Variants in SDK2 observed in about 807,000 individuals in gnomAD.
SDK2 encodes sidekick cell adhesion molecule 2, also known as protein sidekick-2.
SDK2 carries 105 observed loss-of-function variants against 253.9 expected under a neutral mutation model. The observed-to-expected ratio is 0.41, with a 90% confidence interval of 0.35 to 0.49. SDK2 has a LOEUF of 0.49. Among genes scored for constraint, SDK2 ranks in the 20% least tolerant of loss-of-function variants. The pLI is 0.06. For synonymous variants in SDK2, 1,249 were observed against 1,234.9 expected (o/e 1.01, Z -0.24); for missense variants, 2,608 against 3,003.0 (o/e 0.87, Z 3.07).
chr17:73,395,483 C>A lies in SDK2; in HGVS notation c.3355-91G>T, dbSNP rs2062964011. The A allele has an allele frequency of 1.0e-6, 1 of 1,000,330 alleles. No homozygotes were observed. Among genetic ancestry groups the A allele is most frequent in the African/African-American group, 1.6e-5 (1 of 62,820 alleles). 62.0% of individuals were successfully genotyped at this position (1,000,330 alleles called of 1,614,324 possible). A position where few individuals can be genotyped will look rare whatever the true frequency, so the allele number is the denominator to read the frequency against. On this transcript the variant is annotated intron_variant, in intron 24 of 44. Transcript: ENST00000392650. The surrounding 1 kb of genome is among the most constrained non-coding windows in gnomAD (Gnocchi z 4.3). Reference sequence around the variant, plus strand: ...CCCTGCTACCCTCTCCTCCAGGGCGCCTTCAGGGCTATCCATCCCACTGTC... The same window carrying A: ...CCCTGCTACCCTCTCCTCCAGGGCGACTTCAGGGCTATCCATCCCACTGTC...
At chr17:73,452,800 T>C (rs185092726) in intron 4 of SDK2, among the ~76,000 whole-genome samples, 2 of 152,292 alleles carry the variant, frequency 1.3e-5, no homozygotes, top group African/African-American at 2.4e-5. Flanking sequence ...TGGCTTGCAA[T>C]AGGCCATGGG....
intron 39 of SDK2, among the ~76,000 whole-genome samples, chr17:73,358,774 A>G (rs568912857): frequency 3.6e-4 from 55 of 152,064 alleles, no homozygotes; most frequent in South Asian, 6.2e-4. Context: ...TGCATTTCCT[A>G]TTAGGTTAGA....
At chr17:73,588,973 C>G (rs1259643397) in intron 1 of SDK2, among the ~76,000 whole-genome samples, 2 of 152,268 alleles carry the variant, frequency 1.3e-5, no homozygotes, top group African/African-American at 4.8e-5. Flanking sequence ...TGGTGAGCAC[C>G]AGGGCAGGGT....
chr17:73,634,181 C>T (rs147776576), intron 1 of SDK2, among the ~76,000 whole-genome samples: 162 of 152,282 alleles, frequency 1.1e-3, no homozygotes, highest in Middle Eastern at 6.8e-3. Flanking sequence ...CTGTGTCCTC[C>T]TCCTGTGCCC....
At position 73,616,792 on chromosome 17, in the gene SDK2, G is replaced by A. The variant is rs993960167; in HGVS notation, c.64+27233C>T. Reference sequence around the variant, plus strand: ...CAGAGCTGCAGGCACTGCACTGTGCGCATTCCCACCATGAGATGCCTGGGG... The same window carrying A: ...CAGAGCTGCAGGCACTGCACTGTGCACATTCCCACCATGAGATGCCTGGGG... On this transcript the variant is annotated intron_variant, in intron 1 of 44. Transcript: ENST00000392650. The surrounding 1 kb of genome is among the most constrained non-coding windows in gnomAD (Gnocchi z 5.2). 3.3e-5 allele frequency among the ~76,000 whole-genome samples: 5 copies of A among 152,138 alleles called. No homozygotes were observed. Among genetic ancestry groups the A allele is most frequent in the East Asian group, 1.9e-4 (1 of 5,178 alleles).
At chr17:73,381,707 C>T (rs367701276) in intron 33 of SDK2, among the ~76,000 whole-genome samples, 1 of 151,422 alleles carries the variant, frequency 6.6e-6, no homozygotes, top group Non-Finnish European at 1.5e-5. Flanking sequence ...GAGTTCGAGA[C>T]GAGCCTGGCC....
chr17:73,391,667 G>T, intron 27 of SDK2, 129 bp from the exon 28 acceptor site: 1 of 421,498 alleles, frequency 2.4e-6, no homozygotes. Flanking sequence ...AATTTCTGTG[G>T]AGTACTGCCC....
At chr17:73,499,859 CTGTGTGTGTGTGTGTGTGTGTGTGTG>C (rs59872387) in intron 2 of SDK2, among the ~76,000 whole-genome samples, 86 of 145,718 alleles carry the variant, frequency 5.9e-4, no homozygotes, top group African/African-American at 1.8e-3. Flanking sequence ...GCATGGGAAT[CTGTGTGTGTGTGTGTGTGTGTGTGTG>C]TGTGTGTGTG....
chr17:73,350,835 T>G, intron 41 of SDK2, 45 bp from the exon 42 acceptor site: 1 of 1,552,900 alleles, frequency 6.4e-7, no homozygotes, highest in Non-Finnish European at 8.7e-7. Context: ...AGCCCCCTCC[T>G]CCCTCCAAAT....
rs116282489 is a variant in SDK2, at chr17:73,390,808, G to C, written c.3998-327C>G. 6.9e-3 allele frequency among the ~76,000 whole-genome samples: 1,045 copies of C among 152,344 alleles called. 9 individuals are homozygous for C. The highest frequency in any genetic ancestry group is 0.024 in the African/African-American group (1,002 of 41,586). On this transcript the variant is annotated intron_variant, in intron 28 of 44. Coordinates refer to ENST00000392650, the MANE Select transcript of SDK2 (RefSeq NM_001144952.2). Reference sequence around the variant, plus strand: ...TGACAGAGCTGGAATCCCAGCCCAGGTCTTTCTGGGCTAATGCACTTGTCC... The same window carrying C: ...TGACAGAGCTGGAATCCCAGCCCAGCTCTTTCTGGGCTAATGCACTTGTCC...
chr17:73,628,924 C>T (rs1397665330), intron 1 of SDK2, among the ~76,000 whole-genome samples: 1 of 152,158 alleles, frequency 6.6e-6, no homozygotes, highest in South Asian at 2.1e-4. Flanking sequence ...ATGCCCAGAC[C>T]CCCCTGGACG....
At chr17:73,363,222 C>T (rs990925474) in intron 38 of SDK2, among the ~76,000 whole-genome samples, 16 of 152,236 alleles carry the variant, frequency 1.1e-4, no homozygotes, top group Non-Finnish European at 1.6e-4. Context: ...TAGGCGTCCA[C>T]TACCACACCC....
intron 1 of SDK2, among the ~76,000 whole-genome samples, chr17:73,595,684 G>T (rs1386270947): frequency 6.6e-6 from 1 of 152,202 alleles, no homozygotes. Context: ...GGGGTGCGGG[G>T]AGTAGCCGCT....
rs71157018 is a variant in SDK2 at position 73,509,902 on chromosome 17, C to CAAA, written c.65-2308_65-2306dup. On this transcript the variant is annotated intron_variant, in intron 1 of 44. Coordinates refer to ENST00000392650, the MANE Select transcript of SDK2 (RefSeq NM_001144952.2). ...GCAACAGAGCAAGACTCCATCTCTACAAAAAAAAAAAAAAAAAAAAGAAGG... is the reference window on the plus strand; with the variant it reads ...GCAACAGAGCAAGACTCCATCTCTACAAAAAAAAAAAAAAAAAAAAAAAGAAGG... Among the ~76,000 whole-genome samples the CAAA allele has an allele frequency of 2.8e-3, 71 of 25,182 alleles. 7 individuals are homozygous for CAAA. Among genetic ancestry groups the CAAA allele is most frequent in the East Asian group, 0.011 (9 of 790 alleles). 16.5% of individuals were successfully genotyped at this position (25,182 alleles called of 152,430 possible). A position where few individuals can be genotyped will look rare whatever the true frequency, so the allele number is the denominator to read the frequency against.
intron 5 of SDK2, among the ~76,000 whole-genome samples, chr17:73,445,712 G>A (rs1256691452): frequency 6.6e-6 from 1 of 151,968 alleles, no homozygotes; most frequent in Admixed American, 6.5e-5. Context: ...AGGCAGGCAG[G>A]CAGGCAGGCA....
Position 73,578,402 on chromosome 17 carries a change from G to A in SDK2, c.64+65623C>T, listed in dbSNP as rs1389076751. 6.6e-5 allele frequency among the ~76,000 whole-genome samples: 10 copies of A among 152,212 alleles called. No homozygotes were observed. In the East Asian group the frequency reaches 1.9e-3, roughly 29 times the overall value. On this transcript the variant is annotated intron_variant, in intron 1 of 44. Coordinates refer to ENST00000392650, the MANE Select transcript of SDK2 (RefSeq NM_001144952.2). ...TTTTAGCCCAGTGAGGCTCATTTTG[G>A]ACCTCTGACCTCCCAAACTGTAAGA...
At chr17:73,504,956 G>A (rs16977658) in intron 2 of SDK2, among the ~76,000 whole-genome samples, 3,598 of 152,268 alleles carry the variant, frequency 0.024, 136 homozygotes, top group African/African-American at 0.075. Context: ...GGAAAATCCT[G>A]ATTGGACCTG....
intron 44 of SDK2, among the ~76,000 whole-genome samples, chr17:73,343,396 T>A (rs1417617517): frequency 6.6e-6 from 1 of 152,216 alleles, no homozygotes; most frequent in Non-Finnish European, 1.5e-5. Context: ...CCTGAACATC[T>A]GTTTCTTTTC....
At chr17:73,569,462 T>C (rs1481423896) in intron 1 of SDK2, among the ~76,000 whole-genome samples, 1 of 152,004 alleles carries the variant, frequency 6.6e-6, no homozygotes, top group East Asian at 1.9e-4. Flanking sequence ...CCTCCCAAAG[T>C]GCTGGGATTA....
Sources: allele counts gnomAD v4.1 joint callset (sites outside exome capture counted in the v4.1 genomes callset), GRCh38; gene constraint gnomAD v4.1.1; non-coding constraint Gnocchi (gnomAD v3.1); transcripts MANE v1.5; gene names NCBI Gene and HGNC (gene_info 2026-07-23, HGNC 2026-07-21).